GMDS: variants seen among roughly 807,000 people sequenced by gnomAD.
The protein encoded by GMDS is GDP-mannose 4,6-dehydratase.
Under a neutral mutation model 49.9 loss-of-function variants are expected in GMDS, and 20 were observed. The ratio of observed to expected loss-of-function variants is 0.40; its 90% confidence interval spans 0.28 to 0.58. GMDS has a LOEUF of 0.58. GMDS is among the 20% of genes least tolerant of loss of function. GMDS has a pLI of 0.42. For synonymous variants in GMDS, 177 were observed against 178.6 expected, an observed-to-expected ratio of 0.99 and a Z score of 0.07; for missense variants, 362 against 481.4, an observed-to-expected ratio of 0.75 and a Z score of 2.32.
intron 4 of GMDS, among the ~76,000 whole-genome samples, chr6:2,013,240 T>C (rs1222063291): frequency 6.6e-6 from 1 of 152,048 alleles, no homozygotes; most frequent in Non-Finnish European, 1.5e-5. Flanking sequence ...AGAAACAACA[T>C]CACAAGTCAA....
At chr6:1,773,529 G>A (rs979021717) in intron 7 of GMDS, among the ~76,000 whole-genome samples, 2 of 152,238 alleles carry the variant, frequency 1.3e-5, no homozygotes, top group Non-Finnish European at 2.9e-5. Context: ...TTGGGCAGGT[G>A]CGTGCACATC....
chr6:2,149,828 A>G (rs1245021165), intron 1 of GMDS, among the ~76,000 whole-genome samples: 1 of 152,144 alleles, frequency 6.6e-6, no homozygotes, highest in African/African-American at 2.4e-5. Flanking sequence ...GACTGAGTAC[A>G]CACAGCAGAT....
chr6:2,107,269 T>A (rs1774297469), intron 4 of GMDS, among the ~76,000 whole-genome samples: 1 of 152,188 alleles, frequency 6.6e-6, no homozygotes, highest in African/African-American at 2.4e-5. Flanking sequence ...TATAAATTCT[T>A]AATGGACTAT....
At chr6:2,074,012 T>C (rs557907989) in intron 4 of GMDS, among the ~76,000 whole-genome samples, 84 of 152,328 alleles carry the variant, frequency 5.5e-4, no homozygotes, top group African/African-American at 1.5e-3. Context: ...ACTAATTTCC[T>C]TTCCTTTGGA....
At chr6:1,750,119 C>T (rs977080807) in intron 7 of GMDS, among the ~76,000 whole-genome samples, 1 of 152,180 alleles carries the variant, frequency 6.6e-6, no homozygotes, top group African/African-American at 2.4e-5. Context: ...GACTGAGCCA[C>T]CAGCCTCAAA....
intron 6 of GMDS, among the ~76,000 whole-genome samples, chr6:1,934,455 A>T (rs1484879645): frequency 6.6e-6 from 1 of 152,222 alleles, no homozygotes; most frequent in Non-Finnish European, 1.5e-5. Flanking sequence ...GAATCTGTAG[A>T]TCAAAATGGA....
chr6:1,954,014 G>A (rs1339709372), intron 6 of GMDS, among the ~76,000 whole-genome samples: 1 of 151,998 alleles, frequency 6.6e-6, no homozygotes, highest in African/African-American at 2.4e-5. Context: ...TCCCTAGAGA[G>A]TCTATTCTCT....
intron 9 of GMDS, among the ~76,000 whole-genome samples, chr6:1,692,569 C>T (rs1488259343): frequency 6.6e-6 from 1 of 152,220 alleles, no homozygotes; most frequent in African/African-American, 2.4e-5. Flanking sequence ...TCCTCCAGAA[C>T]TGATTCTCTG....
chr6:2,237,000 G>T (rs1781389364), intron 1 of GMDS, among the ~76,000 whole-genome samples: 1 of 152,062 alleles, frequency 6.6e-6, no homozygotes, highest in African/African-American at 2.4e-5. Flanking sequence ...TTAGTATGAA[G>T]ATCTGAGAAA....
chr6:1,824,181 C>G (rs1047528435), intron 7 of GMDS, among the ~76,000 whole-genome samples: 2 of 152,136 alleles, frequency 1.3e-5, no homozygotes, highest in African/African-American at 4.8e-5. Context: ...TTGAAGTATA[C>G]TATGTGATTG....
At chr6:2,234,838 A>G (rs944787215) in intron 1 of GMDS, among the ~76,000 whole-genome samples, 2 of 152,204 alleles carry the variant, frequency 1.3e-5, no homozygotes, top group African/African-American at 4.8e-5. Context: ...ACGGTCACTC[A>G]GTGAGTAAAT....
At chr6:1,982,513 T>C (rs12200121) in intron 4 of GMDS, among the ~76,000 whole-genome samples, 59,869 of 152,018 alleles carry the variant, frequency 0.39, 11,890 homozygotes, top group Middle Eastern at 0.45. Flanking sequence ...ACTTCTGAAG[T>C]TGATAAGCAA....
chr6:1,787,275 A>G (rs573599912), intron 7 of GMDS, among the ~76,000 whole-genome samples: 1 of 152,332 alleles, frequency 6.6e-6, no homozygotes, highest in East Asian at 1.9e-4. Flanking sequence ...ACATAAAACA[A>G]AGTATAAAGG....
intron 1 of GMDS, among the ~76,000 whole-genome samples, chr6:2,244,837 G>A (rs1175490051): frequency 6.6e-6 from 1 of 152,196 alleles, no homozygotes; most frequent in Non-Finnish European, 1.5e-5. Flanking sequence ...TGGAAATCCG[G>A]TGATAGGGGA....
At chr6:1,945,271 G>A (rs1309642962) in intron 6 of GMDS, among the ~76,000 whole-genome samples, 1 of 151,884 alleles carries the variant, frequency 6.6e-6, no homozygotes, top group Non-Finnish European at 1.5e-5. Context: ...ATAACTGTGG[G>A]GTTCTCAGCC....
chr6:2,175,925 T>G (rs757836677), intron 1 of GMDS: 423 of 1,341,184 alleles, frequency 3.2e-4, no homozygotes, highest in Non-Finnish European at 4.3e-4. Flanking sequence ...TAATACTATT[T>G]TCTCACCATT....
intron 5 of GMDS, among the ~76,000 whole-genome samples, chr6:1,960,373 C>CTTT (rs3839606): frequency 2.1e-4 from 32 of 150,648 alleles, no homozygotes; most frequent in South Asian, 6.3e-4. Context: ...ACACAATAGT[C>CTTT]TTTTTTTTTG....
At chr6:1,762,221 A>C (rs1347126637) in intron 7 of GMDS, among the ~76,000 whole-genome samples, 2 of 152,258 alleles carry the variant, frequency 1.3e-5, no homozygotes, top group Non-Finnish European at 2.9e-5. Context: ...AAAGTTGAAG[A>C]GTCCATAACC....
chr6:1,785,227 T>A lies in GMDS; in HGVS notation c.772-42641A>T, dbSNP rs1013895625. Among the ~76,000 whole-genome samples the A allele has an allele frequency of 5.3e-5, 8 of 152,318 alleles. 1 individual carries two copies. The South Asian group carries it at 1.0e-3, about 20-fold the overall frequency. On this transcript the variant is annotated intron_variant, in intron 7 of 10. Coordinates refer to ENST00000380815, the MANE Select transcript of GMDS (RefSeq NM_001500.4). ...TATAACAAATCTAGGTGGTTAGTAA[T>A]TGAAAAACAAAATAAAAACGTGTTT...
Sources: gnomAD v4.1 joint callset for allele counts (sites outside exome capture counted in the v4.1 genomes callset) on GRCh38, gnomAD v4.1.1 for gene constraint, MANE v1.5 for transcripts, NCBI Gene and HGNC (gene_info 2026-07-23, HGNC 2026-07-21) for gene names.